TRIM44: variants seen among roughly 807,000 people sequenced by gnomAD.
The protein encoded by TRIM44 is tripartite motif containing 44.
A neutral mutation model predicts 37.4 loss-of-function variants in TRIM44; 13 were observed. The ratio of observed to expected loss-of-function variants is 0.35; its 90% CI spans 0.23 to 0.55. TRIM44 has a LOEUF of 0.55. Ranked by LOEUF, TRIM44 falls within the 20% of genes least tolerant of loss-of-function variation. The pLI is 0.89. For missense variants in TRIM44, 426 were observed against 437.2 expected, an observed-to-expected ratio of 0.97 and a Z score of 0.23; for synonymous variants, 175 against 157.2, an observed-to-expected ratio of 1.11 and a Z score of -0.85.
chr11:35,748,092 G>A (rs944698649), intron 4 of TRIM44, among the ~76,000 whole-genome samples: 4 of 152,090 alleles, frequency 2.6e-5, no homozygotes, highest in Non-Finnish European at 4.4e-5. Context: ...TTAAGGAATC[G>A]CCTGAGGAAA....
rs190048304 is a variant in TRIM44 at position 35,710,701 on chromosome 11, G to A, written c.748-15223G>A. ...AAGTCATCCTTCTCTTCCTGGTATAGAGAGGGAGACAACCCTGCAAATGGA... is the reference window on the plus strand; with the variant it reads ...AAGTCATCCTTCTCTTCCTGGTATAAAGAGGGAGACAACCCTGCAAATGGA... On this transcript the variant is annotated intron_variant, in intron 2 of 4. Transcript: ENST00000299413. Among the ~76,000 whole-genome samples the A allele has an allele frequency of 3.7e-3, 561 of 152,306 alleles. 4 individuals are homozygous for A. Among genetic ancestry groups the A allele is most frequent in the Middle Eastern group, 6.8e-3 (2 of 294 alleles).
intron 4 of TRIM44, among the ~76,000 whole-genome samples, chr11:35,749,611 G>A (rs576783605): frequency 3.3e-5 from 5 of 152,334 alleles, no homozygotes; most frequent in African/African-American, 1.2e-4. Flanking sequence ...CTTGAACCGC[G>A]AGGCGGGATT....
Position 35,771,777 on chromosome 11 carries a change from A to G in TRIM44, c.1008-34581A>G, listed in dbSNP as rs188771543. Reference sequence around the variant, plus strand: ...AGTTTTAAAAGGCAAACAGAACATGAAAGTTTGGAAAATTTGCAGCCTCAC... The same window carrying G: ...AGTTTTAAAAGGCAAACAGAACATGGAAGTTTGGAAAATTTGCAGCCTCAC... On this transcript the variant is annotated intron_variant, in intron 4 of 4. Coordinates refer to ENST00000299413, the MANE Select transcript of TRIM44 (RefSeq NM_017583.6). 2.7e-3 allele frequency among the ~76,000 whole-genome samples: 405 copies of G among 152,280 alleles called. 3 individuals are homozygous for G. The highest frequency in any genetic ancestry group is 8.6e-3 in the African/African-American group (357 of 41,564).
chr11:35,749,038 A>T (rs757995424), intron 4 of TRIM44, among the ~76,000 whole-genome samples: 1 of 152,126 alleles, frequency 6.6e-6, no homozygotes, highest in Non-Finnish European at 1.5e-5. Context: ...GTGTATGTGT[A>T]TGTTAGAGAG....
chr11:35,759,890 G>C (rs1386769541), intron 4 of TRIM44, among the ~76,000 whole-genome samples: 1 of 152,148 alleles, frequency 6.6e-6, no homozygotes, highest in Non-Finnish European at 1.5e-5. Flanking sequence ...GCCGTGTGAG[G>C]TGTCAGTCTG....
chr11:35,774,900 G>A (rs574863410), intron 4 of TRIM44, among the ~76,000 whole-genome samples: 9 of 152,270 alleles, frequency 5.9e-5, no homozygotes, highest in African/African-American at 1.4e-4. Flanking sequence ...GTCAGGTAGC[G>A]TGATGCCTCC....
At chr11:35,692,603 G>A (rs915499839) in intron 2 of TRIM44, among the ~76,000 whole-genome samples, 8 of 152,024 alleles carry the variant, frequency 5.3e-5, no homozygotes, top group African/African-American at 7.2e-5. Context: ...GATTTGGGAC[G>A]TTTAACCTGG....
At chr11:35,763,174 A>G (rs929457628) in intron 4 of TRIM44, among the ~76,000 whole-genome samples, 11 of 152,162 alleles carry the variant, frequency 7.2e-5, no homozygotes, top group African/African-American at 2.2e-4. Context: ...GGAAAAGGGC[A>G]ATAGAAAACC....
intron 2 of TRIM44, among the ~76,000 whole-genome samples, chr11:35,690,457 A>G (rs942607847): frequency 3.3e-5 from 5 of 152,192 alleles, no homozygotes; most frequent in East Asian, 1.9e-4. Flanking sequence ...ATTGTGTCCT[A>G]TTGTGTCCCA....
chr11:35,727,041 A>G (rs1371914455), intron 3 of TRIM44, among the ~76,000 whole-genome samples: 3 of 151,880 alleles, frequency 2.0e-5, no homozygotes, highest in Admixed American at 6.6e-5. Flanking sequence ...ACCTGCCTGT[A>G]GTCCCAGCTA....
At chr11:35,668,828 C>G (rs1851360764) in intron 1 of TRIM44, among the ~76,000 whole-genome samples, 1 of 152,098 alleles carries the variant, frequency 6.6e-6, no homozygotes, top group Non-Finnish European at 1.5e-5. Flanking sequence ...TCTATTTTTT[C>G]TTAGGTCAGT....
At chr11:35,790,229 CTCTTG>C (rs1243982373) in intron 4 of TRIM44, among the ~76,000 whole-genome samples, 1 of 152,316 alleles carries the variant, frequency 6.6e-6, no homozygotes, top group Non-Finnish European at 1.5e-5. Context: ...CCATGGCATA[CTCTTG>C]TCTTGTAATA....
chr11:35,727,181 CTT>C (rs1244150177), intron 3 of TRIM44, among the ~76,000 whole-genome samples: 1 of 150,506 alleles, frequency 6.6e-6, no homozygotes, highest in Non-Finnish European at 1.5e-5. Flanking sequence ...AACCAAAAAA[CTT>C]ATATTTCAGC....
intron 2 of TRIM44, among the ~76,000 whole-genome samples, chr11:35,685,927 G>T (rs531596270): frequency 6.6e-6 from 1 of 152,298 alleles, no homozygotes; most frequent in African/African-American, 2.4e-5. Context: ...CTCCCAAAGT[G>T]CTGGGACTAC....
chr11:35,734,715 G>A (rs1436672779), intron 3 of TRIM44, among the ~76,000 whole-genome samples: 1 of 152,220 alleles, frequency 6.6e-6, no homozygotes, highest in Non-Finnish European at 1.5e-5. Flanking sequence ...ATAAAGTTAG[G>A]TTGAGAGAAT....
chr11:35,751,748 A>G (rs1408444488), intron 4 of TRIM44, among the ~76,000 whole-genome samples: 1 of 152,240 alleles, frequency 6.6e-6, no homozygotes, highest in African/African-American at 2.4e-5. Context: ...TGAGGCTTAA[A>G]TGAGTCATGA....
chr11:35,791,685 C>A (rs555126210), intron 4 of TRIM44, among the ~76,000 whole-genome samples: 3 of 152,164 alleles, frequency 2.0e-5, no homozygotes, highest in Non-Finnish European at 4.4e-5. Context: ...GCATACCCCC[C>A]GCTCCTTGCC....
At chr11:35,726,232 C>G (rs1852173722) in intron 3 of TRIM44, 69 bp downstream of exon 3, 6 of 1,575,204 alleles carry the variant, frequency 3.8e-6, no homozygotes, top group Non-Finnish European at 4.3e-6. Flanking sequence ...ATTTGTTAGA[C>G]CCCATGTGGT....
At chr11:35,733,814 G>A (rs1419048628) in intron 3 of TRIM44, among the ~76,000 whole-genome samples, 3 of 152,054 alleles carry the variant, frequency 2.0e-5, no homozygotes, top group African/African-American at 7.2e-5. Flanking sequence ...AAACACACAT[G>A]TGCACATCCC....
Sources: gnomAD v4.1 joint callset for allele counts (sites outside exome capture counted in the v4.1 genomes callset) on GRCh38, gnomAD v4.1.1 for gene constraint, MANE v1.5 for transcripts, NCBI Gene and HGNC (gene_info 2026-07-23, HGNC 2026-07-21) for gene names.